Variants in ARNT2 observed in about 807,000 individuals in gnomAD.
ARNT2 encodes the protein ARNT protein 2.
A neutral mutation model predicts 91.7 loss-of-function variants in ARNT2; 36 were observed. The ratio of observed to expected loss-of-function variants is 0.39; its 90% CI spans 0.30 to 0.52. The LOEUF (loss-of-function observed/expected upper bound fraction) is 0.52. Among genes scored for constraint, ARNT2 ranks in the 20% least tolerant of loss-of-function variants. The pLI is 0.72. For synonymous variants in ARNT2, 365 were observed against 347.1 expected, an observed-to-expected ratio of 1.05 and a Z score of -0.57; for missense variants, 775 against 939.3, an observed-to-expected ratio of 0.83 and a Z score of 2.29.
intron 2 of ARNT2, among the ~76,000 whole-genome samples, chr15:80,454,326 C>T (rs1896449909): frequency 6.6e-6 from 1 of 152,118 alleles, no homozygotes; most frequent in African/African-American, 2.4e-5. Flanking sequence ...CATCTCAAAG[C>T]CAGCTTTTGA....
chr15:80,437,297 C>A (rs958824546), intron 1 of ARNT2, among the ~76,000 whole-genome samples: 1 of 152,176 alleles, frequency 6.6e-6, no homozygotes, highest in Admixed American at 6.5e-5. Flanking sequence ...GTGTCTCCCC[C>A]ACCTTGAATA....
intron 1 of ARNT2, among the ~76,000 whole-genome samples, chr15:80,418,989 T>C (rs1595954309): frequency 6.6e-6 from 1 of 152,228 alleles, no homozygotes; most frequent in East Asian, 1.9e-4. Flanking sequence ...TTCATGCATT[T>C]AGAGGCTTCT....
chr15:80,462,710 T>A (rs1163113386), intron 3 of ARNT2, among the ~76,000 whole-genome samples: 1 of 152,226 alleles, frequency 6.6e-6, no homozygotes, highest in African/African-American at 2.4e-5. Context: ...TGGCTGCAAG[T>A]GACCCCATTG....
intron 8 of ARNT2, 56 bp downstream of exon 8, chr15:80,514,461 A>G (rs1334752756): frequency 1.4e-6 from 2 of 1,461,500 alleles, no homozygotes; most frequent in East Asian, 2.3e-5. Context: ...ATACCTGACC[A>G]TGGTGTCCTG....
chr15:80,435,424 C>T lies in ARNT2; in HGVS notation c.32-15456C>T, dbSNP rs914880195. ...TCCCTGCTTCAGAAGCAGCAAGGTC[C>T]GTTGCTGCTGAGCGGAGGCTGCATG... is the stretch of plus-strand genomic sequence containing the variant. On this transcript the variant is annotated intron_variant, in intron 1 of 18. Transcript: ENST00000303329. 3.9e-5 allele frequency among the ~76,000 whole-genome samples: 6 copies of T among 152,164 alleles called. No homozygotes were observed. The South Asian group carries it at 6.2e-4, about 16-fold the overall frequency.
chr15:80,577,077 C>A lies in ARNT2; in HGVS notation c.1613+112C>A, dbSNP rs538594546. On this transcript the variant is annotated intron_variant, in intron 15 of 18. Coordinates refer to ENST00000303329, the MANE Select transcript of ARNT2 (RefSeq NM_014862.4). Reference sequence around the variant, plus strand: ...GTAAGCATGAGTTAGTGGTTACTGGCGCTCAGGCCTTGGACTAAACTGAGG... The same window carrying A: ...GTAAGCATGAGTTAGTGGTTACTGGAGCTCAGGCCTTGGACTAAACTGAGG... 1.6e-5 allele frequency: 17 copies of A among 1,060,812 alleles called. No homozygotes were observed. The African/African-American group carries it at 2.4e-4, about 15-fold the overall frequency. 65.7% of individuals were successfully genotyped at this position (1,060,812 alleles called of 1,614,324 possible).
intron 12 of ARNT2, among the ~76,000 whole-genome samples, chr15:80,570,099 G>A (rs769313470): frequency 3.3e-4 from 51 of 152,348 alleles, no homozygotes; most frequent in Middle Eastern, 6.8e-3. Flanking sequence ...CTTGGGCTGG[G>A]GCAGCAGCCT....
chr15:80,407,703 G>A (rs1895620244), intron 1 of ARNT2, among the ~76,000 whole-genome samples: 1 of 148,834 alleles, frequency 6.7e-6, no homozygotes, highest in South Asian at 2.1e-4. Flanking sequence ...CTTCCGTTTT[G>A]TGTGTCTGTG....
rs1253643346 is a variant in ARNT2, at chr15:80,475,171, T to C, written c.570T>C (p.Asp190=). 1.2e-6 allele frequency: 2 copies of C among 1,614,056 alleles called. No homozygotes were observed. Among genetic ancestry groups the C allele is most frequent in the Non-Finnish European group, 1.7e-6 (2 of 1,180,050 alleles). The change falls in exon 5 of 19, where the codon GAT becomes GAC. Residue 190 remains aspartate (D), a synonymous_variant. Transcript: ENST00000303329. The stretch of plus-strand genomic sequence containing the variant: ...CACTGTATGAACAGGTGCATCCTGA[T>C]GACGTGGAGAAGCTGAGAGAGCAAC... ...GSTLYEQVHP[D]DVEKLREQLC... is the part of the protein sequence containing the mutation.
At chr15:80,448,785 C>T (rs373526529) in intron 1 of ARNT2, among the ~76,000 whole-genome samples, 65 of 152,210 alleles carry the variant, frequency 4.3e-4, no homozygotes, top group Non-Finnish European at 8.5e-4. Flanking sequence ...AGATGGAGAC[C>T]ATCCTGGCTA....
intron 8 of ARNT2, among the ~76,000 whole-genome samples, chr15:80,530,740 G>A (rs1485305683): frequency 6.6e-6 from 1 of 152,088 alleles, no homozygotes; most frequent in African/African-American, 2.4e-5. Context: ...CAAAGTGGGG[G>A]ATCCATTTCT....
chr15:80,444,102 TCACGCC>T (rs1030911637), intron 1 of ARNT2, among the ~76,000 whole-genome samples: 2 of 152,174 alleles, frequency 1.3e-5, no homozygotes, highest in African/African-American at 4.8e-5. Flanking sequence ...GTCCTGTTCT[TCACGCC>T]CATTTCAAAT....
intron 11 of ARNT2, among the ~76,000 whole-genome samples, chr15:80,559,411 C>T (rs1255478153): frequency 2.0e-5 from 3 of 152,208 alleles, no homozygotes; most frequent in East Asian, 1.9e-4. Flanking sequence ...CACACCGCAC[C>T]TCGGCCCCGT....
chr15:80,485,507 C>G (rs1413372220), intron 5 of ARNT2, among the ~76,000 whole-genome samples: 2 of 152,116 alleles, frequency 1.3e-5, no homozygotes, highest in African/African-American at 4.8e-5. Context: ...AAGAGATAAT[C>G]ACATCTAACA....
chr15:80,514,020 A>C, intron 7 of ARNT2, 44 bp downstream of exon 7: 1 of 1,559,326 alleles, frequency 6.4e-7, no homozygotes, highest in African/African-American at 1.4e-5. Context: ...GTTCTGGTAG[A>C]TAGTCTAAAC....
chr15:80,570,650 CCTTTT>C (rs1898567405), intron 12 of ARNT2, among the ~76,000 whole-genome samples: 1 of 152,146 alleles, frequency 6.6e-6, no homozygotes, highest in Admixed American at 6.5e-5. Flanking sequence ...TTATCCTTTT[CCTTTT>C]ATCTGGGCTC....
intron 10 of ARNT2, among the ~76,000 whole-genome samples, chr15:80,553,364 G>A (rs1297608531): frequency 6.6e-6 from 1 of 152,160 alleles, no homozygotes; most frequent in Non-Finnish European, 1.5e-5. Context: ...AAGACATTTA[G>A]GAGACAATTG....
At chr15:80,516,828 A>AAT (rs56146872) in intron 8 of ARNT2, among the ~76,000 whole-genome samples, 1,055 of 74,788 alleles carry the variant, frequency 0.014, 74 homozygotes, top group Admixed American at 0.031. Flanking sequence ...TACAATTACA[A>AAT]ATATATATAT....
At chr15:80,495,263 G>A (rs1427827222) in intron 5 of ARNT2, among the ~76,000 whole-genome samples, 2 of 152,176 alleles carry the variant, frequency 1.3e-5, no homozygotes, top group Non-Finnish European at 2.9e-5. Flanking sequence ...GTCAGCAGGA[G>A]CCCATTCTGC....
Sources: allele counts gnomAD v4.1 joint callset (sites outside exome capture counted in the v4.1 genomes callset), GRCh38; gene constraint gnomAD v4.1.1; transcripts MANE v1.5; gene names NCBI Gene and HGNC (gene_info 2026-07-23, HGNC 2026-07-21).